The following PCDHA5 variants were observed in gnomAD, a reference collection of about 807,000 sequenced individuals.
The protein encoded by PCDHA5 is protocadherin alpha 5.
Under a neutral mutation model 61.6 loss-of-function variants are expected in PCDHA5, and 43 were observed. That is an observed-to-expected ratio of 0.70 (90% CI 0.55 to 0.90). The LOEUF (loss-of-function observed/expected upper bound fraction) is 0.90, where lower values mean the gene tolerates loss of function less well. Among genes scored for constraint, PCDHA5 ranks in the 40% least tolerant of loss-of-function variants. The pLI, the probability that PCDHA5 is intolerant of heterozygous loss-of-function variation, is 0.00. For missense variants in PCDHA5, 1,298 were observed against 1,222.7 expected, an observed-to-expected ratio of 1.06 and a Z score of -0.92; for synonymous variants, 627 against 543.9, an observed-to-expected ratio of 1.15 and a Z score of -2.13.
At chr5:140,942,618 G>A (rs2093340526) in intron 1 of PCDHA5, among the ~76,000 whole-genome samples, 1 of 97,740 alleles carries the variant, frequency 1.0e-5, no homozygotes. Context: ...TTTGCCAATT[G>A]TAAAAAAAAA....
intron 1 of PCDHA5, among the ~76,000 whole-genome samples, chr5:140,846,126 G>T (rs2150384899): frequency 6.7e-6 from 1 of 149,636 alleles, no homozygotes; most frequent in East Asian, 1.9e-4. Flanking sequence ...TTTGATAGTT[G>T]TATGTTTCCC....
chr5:140,914,915 T>G (rs1037949691), intron 1 of PCDHA5, among the ~76,000 whole-genome samples: 8 of 151,746 alleles, frequency 5.3e-5, no homozygotes, highest in Non-Finnish European at 1.0e-4. Context: ...TTTCTCTGTG[T>G]CTTATTGTAC....
chr5:140,951,863 C>T (rs991949987), intron 1 of PCDHA5, among the ~76,000 whole-genome samples: 10 of 152,096 alleles, frequency 6.6e-5, no homozygotes, highest in Non-Finnish European at 7.3e-5. Flanking sequence ...TCCAAAGTCT[C>T]ATCTGAGACA....
At chr5:140,870,273 C>T in intron 1 of PCDHA5, 10 of 1,614,192 alleles carry the variant, frequency 6.2e-6, no homozygotes, top group Non-Finnish European at 8.5e-6. Flanking sequence ...CGCTGACGCC[C>T]CACGTTCCCT....
At chr5:140,958,078 G>A (rs1447110228) in intron 1 of PCDHA5, among the ~76,000 whole-genome samples, 1 of 152,064 alleles carries the variant, frequency 6.6e-6, no homozygotes, top group Admixed American at 6.6e-5. Flanking sequence ...GAAGCAAAAA[G>A]TAAAGTTGTA....
At chr5:141,003,832 G>C (rs1261830894) in intron 3 of PCDHA5, among the ~76,000 whole-genome samples, 1 of 152,102 alleles carries the variant, frequency 6.6e-6, no homozygotes, top group Non-Finnish European at 1.5e-5. Flanking sequence ...TCTGCCTAAC[G>C]ATTCAGACCC....
At chr5:140,930,209 T>C (rs752393887) in intron 1 of PCDHA5, 4 of 152,266 alleles carry the variant, frequency 2.6e-5, no homozygotes, top group Non-Finnish European at 5.9e-5. Flanking sequence ...GAAATATTTA[T>C]GTGTTCAAAG....
At chr5:140,835,676 C>T (rs1554135187) in intron 1 of PCDHA5, 1 of 1,613,896 alleles carries the variant, frequency 6.2e-7, no homozygotes. Flanking sequence ...GGGACGGGGG[C>T]TCGCCTTCTC....
chr5:140,824,329 A>T (rs1581809489), intron 1 of PCDHA5: 1 of 658,076 alleles, frequency 1.5e-6, no homozygotes, highest in African/African-American at 1.8e-5. Context: ...TTTCTGTGAT[A>T]TTAAGTGTTT....
intron 1 of PCDHA5, among the ~76,000 whole-genome samples, chr5:140,974,059 G>A (rs1233997260): frequency 6.6e-6 from 1 of 152,180 alleles, no homozygotes; most frequent in Non-Finnish European, 1.5e-5. Context: ...AATATTTGGA[G>A]CAGTATAATC....
At chr5:140,940,194 G>T (rs1455968152) in intron 1 of PCDHA5, among the ~76,000 whole-genome samples, 4 of 152,118 alleles carry the variant, frequency 2.6e-5, no homozygotes, top group East Asian at 1.9e-4. Context: ...TTTTACATGG[G>T]TGTAAAATTC....
Position 140,821,852 on chromosome 5 carries a change from G to A in PCDHA5, c.77G>A (p.Gly26Glu), listed in dbSNP as rs1554128268. The change falls in exon 1 of 4, where the codon GGG becomes GAG. Residue 26 changes from glycine (G) to glutamate (E), a missense_variant. Transcript: ENST00000529859. The part of the protein sequence containing the change: ...LWLLLAYWKA[G>E]SGQLHYSIPE... ...CTTCTCCTTGCCTACTGGAAGGCAG[G>A]GAGCGGCCAGCTCCACTACTCGATC... The A allele has an allele frequency of 3.7e-6, 6 of 1,614,200 alleles. No homozygotes were observed. In the Middle Eastern group the frequency reaches 4.9e-4, roughly 133 times the overall value.
Position 140,823,277 on chromosome 5 carries a change from G to A in PCDHA5, c.1502G>A (p.Arg501His), listed in dbSNP as rs2150124312. 41 of 1,612,320 alleles carry A rather than the reference G, an allele frequency of 2.5e-5. 1 individual carries two copies. In the East Asian group the frequency reaches 8.7e-4, roughly 34 times the overall value. Residue 501 changes from arginine (R) to histidine (H), a missense_variant, in exon 1 of 4, where the codon CGC (arginine) becomes CAC (histidine). Physicochemically the swap from Arg to His is conservative, Grantham distance 29. Transcript: ENST00000529859. ...YSLVERRVGE[R>H]PLSSYVSVHA... ...CTGGTGGAGCGGCGGGTGGGCGAGC[G>A]CCCGCTGTCGAGTTACGTTTCGGTG...
intron 1 of PCDHA5, chr5:140,829,547 G>A (rs2150169792): frequency 2.5e-6 from 4 of 1,612,860 alleles, no homozygotes; most frequent in African/African-American, 1.3e-5. Flanking sequence ...GGACGCGCAG[G>A]AGAACGCGCT....
At chr5:140,936,628 T>C (rs1208761817) in intron 1 of PCDHA5, among the ~76,000 whole-genome samples, 5 of 152,258 alleles carry the variant, frequency 3.3e-5, no homozygotes, top group Non-Finnish European at 7.3e-5. Flanking sequence ...GTGCTACCTT[T>C]GTCATAAGCA....
At chr5:140,832,017 G>A (rs2150199162) in intron 1 of PCDHA5, among the ~76,000 whole-genome samples, 8 of 152,272 alleles carry the variant, frequency 5.3e-5, no homozygotes, top group African/African-American at 1.9e-4. Context: ...TTTACGTAAA[G>A]ATTGAATTTT....
intron 1 of PCDHA5, chr5:140,966,610 C>A: frequency 1.4e-6 from 1 of 715,490 alleles, no homozygotes; most frequent in Non-Finnish European, 2.1e-6. Context: ...CTTGGGAGGG[C>A]CTACGGAGGG....
intron 1 of PCDHA5, among the ~76,000 whole-genome samples, chr5:140,959,348 G>A (rs991931151): frequency 7.2e-5 from 11 of 151,992 alleles, no homozygotes; most frequent in Middle Eastern, 6.3e-3. Flanking sequence ...GCACTCCAGC[G>A]GGACAACTGA....
At chr5:140,847,907 G>A (rs1382630949) in intron 1 of PCDHA5, 1 of 149,326 alleles carries the variant, frequency 6.7e-6, no homozygotes, top group Non-Finnish European at 1.5e-5. Flanking sequence ...TAGATTTCTG[G>A]GCTCCTATAT....
Sources: allele counts gnomAD v4.1 joint callset (sites outside exome capture counted in the v4.1 genomes callset), GRCh38; gene constraint gnomAD v4.1.1; transcripts MANE v1.5; gene names NCBI Gene and HGNC (gene_info 2026-07-23, HGNC 2026-07-21).